Variants in DNAH12 observed in about 807,000 individuals in gnomAD.
DNAH12 encodes the protein axonemal beta dynein heavy chain 12.
In DNAH12, 285 loss-of-function variants were observed where a neutral mutation model predicts 371.5. That is an observed-to-expected ratio of 0.77 (90% confidence interval 0.70 to 0.85). DNAH12 has a LOEUF of 0.85. Among genes scored for constraint, DNAH12 ranks in the 40% least tolerant of loss-of-function variants. The pLI is 0.00. For missense variants in DNAH12, 3,611 were observed against 3,689.4 expected (o/e 0.98, Z 0.55); for synonymous variants, 1,200 against 1,213.0 (o/e 0.99, Z 0.22).
At chr3:57,499,014 A>AACAAACACACAC (rs57477935) in intron 11 of DNAH12, among the ~76,000 whole-genome samples, 1 of 151,522 alleles carries the variant, frequency 6.6e-6, no homozygotes, top group Non-Finnish European at 1.5e-5. Context: ...CAAAAACAAA[A>AACAAACACACAC]ACACACACAC....
Position 57,293,890 on chromosome 3 carries a change from G to A in DNAH12, c.11774C>T (p.Thr3925Ile), listed in dbSNP as rs1219787338. The part of the protein sequence containing the change: ...KTSERKGTLS[T>I]TGHSTNFVIA... ...GACAAAGTTAGTAGAATGTCCCGTA[G>A]TGGAAAGAGTTCCTTTACGTTCACT... Residue 3925 changes from threonine to isoleucine, a missense_variant, in exon 74 of 74, where the codon ACT becomes ATT. By Grantham distance (89) the Thr-to-Ile change is moderately conservative (BLOSUM62 -1). Coordinates refer to ENST00000495027, the MANE Select transcript of DNAH12 (RefSeq NM_001366028.2). 1 of 1,546,928 alleles carries A rather than the reference G, an allele frequency of 6.5e-7. No homozygotes were observed. The highest frequency in any genetic ancestry group is 2.0e-5 in the Admixed American group (1 of 50,414).
intron 10 of DNAH12, 37 bp from the exon 11 acceptor site, chr3:57,501,449 C>G: frequency 1.3e-6 from 2 of 1,490,218 alleles, no homozygotes; most frequent in Non-Finnish European, 1.8e-6. Context: ...CTCAATAATA[C>G]CCTTTTTAGA....
At chr3:57,461,978 T>TATG in intron 18 of DNAH12, among the ~76,000 whole-genome samples, 1 of 152,190 alleles carries the variant, frequency 6.6e-6, no homozygotes, top group Non-Finnish European at 1.5e-5. Context: ...TTCTCTGAAG[T>TATG]GGCCTTTCTA....
chr3:57,548,328 A>G (rs1046825241), upstream of DNAH12, among the ~76,000 whole-genome samples: 25 of 152,208 alleles, frequency 1.6e-4, no homozygotes, highest in African/African-American at 5.8e-4. Context: ...ACCTAAGGTT[A>G]GTTTGAGGCC....
chr3:57,484,329 G>C (rs907104617), intron 12 of DNAH12, among the ~76,000 whole-genome samples: 1 of 152,054 alleles, frequency 6.6e-6, no homozygotes. Flanking sequence ...TCCCATGTAG[G>C]ATATGAACCT....
intron 12 of DNAH12, among the ~76,000 whole-genome samples, chr3:57,486,305 C>T (rs1361474014): frequency 2.0e-5 from 3 of 152,000 alleles, no homozygotes; most frequent in Non-Finnish European, 2.9e-5. Flanking sequence ...CACAGAGGCT[C>T]ACGCTTGTAA....
At chr3:57,547,209 T>C (rs369344902), upstream of DNAH12, among the ~76,000 whole-genome samples, 1 of 149,794 alleles carries the variant, frequency 6.7e-6, no homozygotes, top group Admixed American at 6.7e-5. Flanking sequence ...CACACACACA[T>C]ATATAGATAT....
chr3:57,313,868 A>G (rs920818372), intron 66 of DNAH12, among the ~76,000 whole-genome samples: 22 of 152,282 alleles, frequency 1.4e-4, no homozygotes, highest in Admixed American at 1.4e-3. Context: ...GAGGCCTGCA[A>G]TAGACTAGAG....
chr3:57,442,544 A>G (rs1266274305), intron 29 of DNAH12, among the ~76,000 whole-genome samples: 2 of 152,218 alleles, frequency 1.3e-5, no homozygotes, highest in African/African-American at 4.8e-5. Context: ...TAGAGAAGAT[A>G]AAATGGAGTG....
At chr3:57,426,008 C>T (rs535150204) in intron 34 of DNAH12, among the ~76,000 whole-genome samples, 11 of 151,866 alleles carry the variant, frequency 7.2e-5, no homozygotes, top group South Asian at 2.1e-4. Context: ...AGGAGGAAAA[C>T]GGGAGAGAGA....
At chr3:57,489,845 T>C (rs936452466) in intron 11 of DNAH12, among the ~76,000 whole-genome samples, 158 bp from the exon 12 acceptor site, 2 of 152,324 alleles carry the variant, frequency 1.3e-5, no homozygotes, top group South Asian at 4.1e-4. Context: ...CATATTTTTT[T>C]CACCTATTCT....
rs57608649 is a variant in DNAH12, at chr3:57,438,918, C to CAAAAA, written c.4546-1863_4546-1859dup. On this transcript the variant is annotated intron_variant, in intron 29 of 73. Coordinates refer to ENST00000495027, the MANE Select transcript of DNAH12 (RefSeq NM_001366028.2). Reference sequence around the variant, plus strand: ...CAACAGAGTGAAACTCTGTCTCAGACAAAAAAAAAAAAAAGGAAAGCAACT... The same window carrying CAAAAA: ...CAACAGAGTGAAACTCTGTCTCAGACAAAAAAAAAAAAAAAAAAAGGAAAGCAACT... Among the ~76,000 whole-genome samples, 11 of 94,496 alleles carry CAAAAA rather than the reference C, an allele frequency of 1.2e-4. 1 individual carries two copies. Among genetic ancestry groups the CAAAAA allele is most frequent in the African/African-American group, 3.6e-4 (9 of 24,906 alleles). 62.0% of individuals were successfully genotyped at this position (94,496 alleles called of 152,430 possible).
At chr3:57,360,727 C>G (rs1213853898) in intron 58 of DNAH12, among the ~76,000 whole-genome samples, 1 of 152,060 alleles carries the variant, frequency 6.6e-6, no homozygotes, top group African/African-American at 2.4e-5. Context: ...TGTCCCAGAG[C>G]AAGGGTGCAT....
At chr3:57,500,068 C>G (rs1160337778) in intron 11 of DNAH12, among the ~76,000 whole-genome samples, 1 of 150,174 alleles carries the variant, frequency 6.7e-6, no homozygotes, top group African/African-American at 2.4e-5. Flanking sequence ...TGAGATGGAG[C>G]CTTACTCTGT....
chr3:57,297,527 T>C (rs769065510), intron 70 of DNAH12, among the ~76,000 whole-genome samples: 2 of 152,060 alleles, frequency 1.3e-5, no homozygotes, highest in Non-Finnish European at 1.5e-5. Flanking sequence ...GGCTAGTTTT[T>C]GTATTTCTAG....
intron 65 of DNAH12, among the ~76,000 whole-genome samples, chr3:57,319,486 G>A (rs903487902): frequency 1.3e-5 from 2 of 152,156 alleles, no homozygotes; most frequent in African/African-American, 2.4e-5. Context: ...TTCCATGGTT[G>A]AGTATAATAT....
intron 4 of DNAH12, among the ~76,000 whole-genome samples, chr3:57,512,116 A>G (rs1003910975): frequency 6.6e-6 from 1 of 152,184 alleles, no homozygotes; most frequent in Non-Finnish European, 1.5e-5. Context: ...TTAAAATGTC[A>G]AAAGACAATT....
chr3:57,451,348 C>T (rs1159184028), intron 25 of DNAH12, among the ~76,000 whole-genome samples: 4 of 152,232 alleles, frequency 2.6e-5, no homozygotes, highest in African/African-American at 9.6e-5. Flanking sequence ...TTTCAGATAA[C>T]GGCCGGGCCC....
intron 11 of DNAH12, among the ~76,000 whole-genome samples, chr3:57,499,647 A>AAAAAAAAAAAATAT (rs1451248906): frequency 5.6e-5 from 1 of 17,946 alleles, no homozygotes; most frequent in Non-Finnish European, 1.2e-4. Flanking sequence ...AAAAAAAAAA[A>AAAAAAAAAAAATAT]ATATATATAT....
Sources: gnomAD v4.1 joint callset for allele counts (sites outside exome capture counted in the v4.1 genomes callset) on GRCh38, gnomAD v4.1.1 for gene constraint, MANE v1.5 for transcripts, NCBI Gene and HGNC (gene_info 2026-07-23, HGNC 2026-07-21) for gene names.